Variants in LOXL2 observed in about 807,000 individuals in gnomAD.
LOXL2 encodes lysyl oxidase like 2, also known as lysyl oxidase homolog 2.
A neutral mutation model predicts 93.0 loss-of-function variants in LOXL2; 70 were observed. The ratio of observed to expected loss-of-function variants is 0.75; its 90% CI spans 0.62 to 0.92. The LOEUF is 0.92. Among genes scored for constraint, LOXL2 ranks in the 40% least tolerant of loss-of-function variants. The probability of loss-of-function intolerance (pLI) is 0.00; values close to 1 mark genes in which losing one functional copy is unlikely to be tolerated. For missense variants in LOXL2, 973 were observed against 1,054.9 expected (o/e 0.92, Z 1.08); for synonymous variants, 438 against 413.2 (o/e 1.06, Z -0.73).
chr8:23,402,945 T>C (rs1385279816), intron 1 of LOXL2, among the ~76,000 whole-genome samples: 3 of 152,138 alleles, frequency 2.0e-5, no homozygotes, highest in African/African-American at 7.2e-5. Context: ...TGTTCTGCGG[T>C]GTTCTCTTCC....
intron 10 of LOXL2, 74 bp from the exon 11 acceptor site, chr8:23,303,471 C>A: frequency 1.2e-6 from 1 of 859,198 alleles, no homozygotes; most frequent in Non-Finnish European, 2.0e-6. Flanking sequence ...GCCTGGCTGG[C>A]GATTTGCCTC....
intron 12 of LOXL2, 65 bp downstream of exon 12, chr8:23,301,962 G>T: frequency 1.9e-6 from 3 of 1,594,184 alleles, no homozygotes; most frequent in South Asian, 1.1e-5. Flanking sequence ...CAATGGGAAG[G>T]AGCCTGTGGA....
intron 1 of LOXL2, among the ~76,000 whole-genome samples, chr8:23,380,540 G>T (rs1804668213): frequency 1.3e-5 from 2 of 152,064 alleles, no homozygotes; most frequent in Non-Finnish European, 2.9e-5. Flanking sequence ...TGAATTTTTT[G>T]CCTCTTTTGT....
At chr8:23,372,894 T>C (rs926128061) in intron 1 of LOXL2, among the ~76,000 whole-genome samples, 4 of 152,170 alleles carry the variant, frequency 2.6e-5, no homozygotes, top group Non-Finnish European at 5.9e-5. Context: ...CTTAACCTAA[T>C]TCACAAGTTT....
chr8:23,322,055 G>A, intron 7 of LOXL2, 75 bp downstream of exon 7: 2 of 1,520,796 alleles, frequency 1.3e-6, no homozygotes, highest in South Asian at 1.2e-5. Flanking sequence ...CACTTCCAGG[G>A]TTCACCCCAG....
chr8:23,332,414 C>CATA (rs1194492585), intron 5 of LOXL2, among the ~76,000 whole-genome samples: 2 of 128,160 alleles, frequency 1.6e-5, no homozygotes, highest in Non-Finnish European at 3.3e-5. Context: ...ACACACACCG[C>CATA]CACACACCCA....
At chr8:23,341,310 G>A in intron 3 of LOXL2, 107 bp from the exon 4 acceptor site, 2 of 876,658 alleles carry the variant, frequency 2.3e-6, no homozygotes, top group Non-Finnish European at 1.9e-6. Context: ...CCTGCCGCGG[G>A]CCTGCCTGTG....
chr8:23,304,449 A>G (rs1015889364), intron 10 of LOXL2, among the ~76,000 whole-genome samples: 1 of 152,204 alleles, frequency 6.6e-6, no homozygotes, highest in African/African-American at 2.4e-5. Context: ...GCATGTCACA[A>G]GTGTCTGCAA....
intron 12 of LOXL2, among the ~76,000 whole-genome samples, chr8:23,300,985 G>A (rs1330179293): frequency 6.6e-6 from 1 of 152,228 alleles, no homozygotes; most frequent in East Asian, 1.9e-4. Flanking sequence ...AAAAGTGCTT[G>A]GCTGTCTGCT....
intron 2 of LOXL2, 94 bp downstream of exon 2, chr8:23,367,903 T>A (rs1804430985): frequency 5.1e-6 from 5 of 977,454 alleles, no homozygotes; most frequent in Non-Finnish European, 7.8e-6. Context: ...CACTTCGCAG[T>A]GCGTGCAGCC....
rs745403715 is a variant in LOXL2 at position 23,309,693 on chromosome 8, C to T, written c.1855G>A (p.Ala619Thr). The T allele has an allele frequency of 5.6e-5, 85 of 1,530,334 alleles. No individual in the cohort carries two copies. Among genetic ancestry groups the T allele is most frequent in the Middle Eastern group, 1.9e-4 (1 of 5,226 alleles). 94.8% of individuals were successfully genotyped at this position (1,530,334 alleles called of 1,614,324 possible). A position where few individuals can be genotyped will look rare whatever the true frequency, so the allele number is the denominator to read the frequency against. The change falls in exon 10 of 14, where the codon GCG (alanine) becomes ACG (threonine). Residue 619 changes from alanine to threonine, a missense_variant. Ala to Thr is a moderately conservative substitution (Grantham distance 58). Coordinates refer to ENST00000389131, the MANE Select transcript of LOXL2 (RefSeq NM_002318.3). ...CTGTGACAGTCGTGCCAGATCCACGCGTGGCGGCCGTTCTTGGGCCGGAAG... is the reference window on the plus strand; with the variant it reads ...CTGTGACAGTCGTGCCAGATCCACGTGTGGCGGCCGTTCTTGGGCCGGAAG... Reference protein sequence around the residue: ...SDFRPKNGRHAWIWHDCHRHY... With the variant: ...SDFRPKNGRHTWIWHDCHRHY...
chr8:23,392,009 G>A (rs1459118610), intron 1 of LOXL2, among the ~76,000 whole-genome samples: 2 of 152,204 alleles, frequency 1.3e-5, no homozygotes, highest in African/African-American at 4.8e-5. Context: ...TGAGGCTCAT[G>A]ACAGCAGACC....
In LOXL2 at chr8:23,333,429, G is replaced by C; in HGVS notation, c.938C>G (p.Ser313Ter). ...PGQVFSPDGP[S>*]RFRKAYKPEQ... ...TGGCTTGTACGCTTTCCGGAATCTTGAGGGTCCGTCAGGGCTGAAGACCTG... is the reference window on the plus strand; with the variant it reads ...TGGCTTGTACGCTTTCCGGAATCTTCAGGGTCCGTCAGGGCTGAAGACCTG... The change falls in exon 5 of 14, where the codon TCA becomes TGA. Residue 313 changes from serine to a stop codon, truncating the protein, a stop_gained. Coordinates refer to ENST00000389131, the MANE Select transcript of LOXL2 (RefSeq NM_002318.3). LOFTEE classifies it high-confidence loss of function. The C allele has an allele frequency of 4.3e-6, 7 of 1,613,836 alleles. No homozygotes were observed. The highest frequency in any genetic ancestry group is 5.9e-6 in the Non-Finnish European group (7 of 1,180,012).
At chr8:23,298,158 A>AT (rs757261423) in intron 13 of LOXL2, 36 bp from the exon 14 acceptor site, 1 of 1,542,638 alleles carries the variant, frequency 6.5e-7, no homozygotes, top group East Asian at 2.2e-5. Context: ...GAGTGGACAA[A>AT]TGAGATGCTC....
In LOXL2 at chr8:23,368,015, A is replaced by T. The variant is rs1235641748; in HGVS notation, c.337T>A (p.Ser113Thr). 1 of 1,613,190 alleles carries T rather than the reference A, an allele frequency of 6.2e-7. No homozygotes were observed. Among genetic ancestry groups the T allele is most frequent in the Non-Finnish European group, 8.5e-7 (1 of 1,179,676 alleles). Residue 113 changes from serine (S) to threonine (T), a missense_variant, in exon 2 of 14, where the codon TCC becomes ACC. Transcript: ENST00000389131. ...CGTTTACCTTCTCCCTTGCCGTAGG[A>T]GGAGCTGGCAGTCCAGGACTTGGCC... ...VEAKSWTASS[S>T]YGKGEGPIWL... is the part of the protein sequence containing the mutation.
rs898690064 is a variant in LOXL2 at position 23,328,033 on chromosome 8, G to A, written c.1150+349C>T. 2.8e-4 allele frequency among the ~76,000 whole-genome samples: 33 copies of A among 119,580 alleles called. 1 individual carries two copies. The highest frequency in any genetic ancestry group is 6.0e-4 in the Non-Finnish European group (30 of 49,636). The allele number at this position is 119,580 out of a possible 152,430, so 78.4% of individuals were successfully genotyped here. ...TGAACTCGGAGGCCCTCTCCTGCAG[G>A]AGGGGCCTGAGAACCCTGGCGTTTT... On this transcript the variant is annotated intron_variant, in intron 6 of 13. Coordinates refer to ENST00000389131, the MANE Select transcript of LOXL2 (RefSeq NM_002318.3).
intron 1 of LOXL2, among the ~76,000 whole-genome samples, chr8:23,384,636 C>T (rs1051534555): frequency 5.3e-5 from 8 of 152,258 alleles, no homozygotes; most frequent in African/African-American, 1.2e-4. Flanking sequence ...CTCCAGCGGC[C>T]GGGCGTGGTA....
At chr8:23,330,329 G>A (rs960707371) in intron 5 of LOXL2, among the ~76,000 whole-genome samples, 3 of 134,716 alleles carry the variant, frequency 2.2e-5, no homozygotes, top group Non-Finnish European at 4.8e-5. Context: ...GCGAGACTCC[G>A]TCTCAAAACA....
intron 11 of LOXL2, among the ~76,000 whole-genome samples, chr8:23,303,053 G>A (rs931535589): frequency 6.6e-6 from 1 of 152,066 alleles, no homozygotes; most frequent in Non-Finnish European, 1.5e-5. Flanking sequence ...CCTGTGGACC[G>A]ACCAGTGCCT....
Sources: allele counts gnomAD v4.1 joint callset (sites outside exome capture counted in the v4.1 genomes callset), GRCh38; gene constraint gnomAD v4.1.1; transcripts MANE v1.5; gene names NCBI Gene and HGNC (gene_info 2026-07-23, HGNC 2026-07-21).